The following PUS7 variants were observed in gnomAD, a reference collection of about 807,000 sequenced individuals.
PUS7 encodes the protein pseudouridylate synthase 7 homolog.
In PUS7, 48 loss-of-function variants were observed where a neutral mutation model predicts 79.8. The observed-to-expected ratio is 0.60, with a 90% CI of 0.48 to 0.76. The LOEUF is 0.76. Among genes scored for constraint, PUS7 ranks in the 30% least tolerant of loss-of-function variants. The pLI is 0.00. For missense variants in PUS7, 729 were observed against 797.6 expected, an observed-to-expected ratio of 0.91 and a Z score of 1.04; for synonymous variants, 286 against 272.2, an observed-to-expected ratio of 1.05 and a Z score of -0.50.
chr7:105,467,034 GTTTTTTTTTTTTT>G (rs56177512), intron 12 of PUS7, among the ~76,000 whole-genome samples: 3 of 70,698 alleles, frequency 4.2e-5, no homozygotes, highest in Non-Finnish European at 5.3e-5. Flanking sequence ...AGTTTTTTCT[GTTTTTTTTTTTTT>G]TTTTTTTTTT....
At chr7:105,497,116 T>A in intron 5 of PUS7, 1 of 395,844 alleles carries the variant, frequency 2.5e-6, no homozygotes, top group Non-Finnish European at 3.6e-6. Flanking sequence ...TGCGGTGGGT[T>A]AACAGCCATT....
chr7:105,473,309 G>C (rs770115338), intron 9 of PUS7, among the ~76,000 whole-genome samples: 1 of 151,942 alleles, frequency 6.6e-6, no homozygotes, highest in Admixed American at 6.6e-5. Context: ...GAATGCAGTG[G>C]CATGATCTTG....
At chr7:105,497,070 GT>G in intron 5 of PUS7, 1 of 930,412 alleles carries the variant, frequency 1.1e-6, no homozygotes, top group Non-Finnish European at 1.4e-6. Flanking sequence ...GCATGGTTAA[GT>G]TTACACTGAG....
intron 1 of PUS7, among the ~76,000 whole-genome samples, chr7:105,515,524 T>C (rs1825859222): frequency 6.6e-6 from 1 of 152,236 alleles, no homozygotes; most frequent in African/African-American, 2.4e-5. Flanking sequence ...GTCTGATCTC[T>C]TTTTCTTGAT....
At chr7:105,461,491 G>A (rs765375019) in intron 14 of PUS7, among the ~76,000 whole-genome samples, 1 of 152,120 alleles carries the variant, frequency 6.6e-6, no homozygotes, top group Admixed American at 6.6e-5. Context: ...GAGTCTCCGG[G>A]CTTACTTATG....
chr7:105,482,560 A>C, intron 7 of PUS7, 120 bp from the exon 8 acceptor site: 1 of 1,061,854 alleles, frequency 9.4e-7, no homozygotes, highest in Admixed American at 2.6e-5. Context: ...GACCCCCTGA[A>C]AGGAAAAGGC....
In PUS7 at chr7:105,506,041, T is replaced by C. The variant is rs559062735; in HGVS notation, c.499A>G (p.Ile167Val). 4.3e-6 allele frequency: 7 copies of C among 1,613,754 alleles called. No homozygotes were observed. The highest frequency in any genetic ancestry group is 1.7e-6 in the Non-Finnish European group (2 of 1,179,830). Residue 167 changes from isoleucine (I) to valine (V), a missense_variant, in exon 4 of 16, where the codon ATA becomes GTA. Ile to Val is a conservative substitution (Grantham distance 29). Transcript: ENST00000469408. ...PVDEEDPSED[I>V]FTVLTAEEKQ... ...TCTTCAGCTGTCAAAACTGTAAATA[T>C]GTCTTCTGAAGGGTCCTTTAAAATA... is the stretch of plus-strand genomic sequence containing the variant.
intron 2 of PUS7, among the ~76,000 whole-genome samples, chr7:105,507,649 C>T (rs1825525886): frequency 6.6e-6 from 1 of 152,080 alleles, no homozygotes; most frequent in South Asian, 2.1e-4. Flanking sequence ...TCAAGCTATT[C>T]TCCTGCCTCA....
intron 7 of PUS7, among the ~76,000 whole-genome samples, chr7:105,484,686 G>A (rs796744913): frequency 5.1e-4 from 77 of 151,174 alleles, no homozygotes; most frequent in African/African-American, 1.8e-3. Context: ...GGGTGTGGTG[G>A]CACACGCCTG....
Position 105,508,425 on chromosome 7 carries a change from T to G in PUS7, c.88A>C (p.Thr30Pro), listed in dbSNP as rs1825559961. Residue 30 changes from threonine to proline, a missense_variant, in exon 2 of 16, where the codon ACA becomes CCA. By Grantham distance (38) the Thr-to-Pro change is conservative. Coordinates refer to ENST00000469408, the MANE Select transcript of PUS7 (RefSeq NM_019042.5). ...CATTCCGACAGCTTCTGTTTTTTTG[T>G]CTCTTCAACTGGGACTCCACTGTCA... is the stretch of plus-strand genomic sequence containing the variant. ...DNDSGVPVEE[T>P]KKQKLSECSL... The G allele has an allele frequency of 1.2e-6, 2 of 1,614,004 alleles. No homozygotes were observed. Among genetic ancestry groups the G allele is most frequent in the South Asian group, 1.1e-5 (1 of 91,088 alleles).
At chr7:105,491,645 A>C in intron 6 of PUS7, 28 bp from the exon 7 acceptor site, 1 of 1,285,526 alleles carries the variant, frequency 7.8e-7, no homozygotes, top group Non-Finnish European at 1.1e-6. Flanking sequence ...AGATCATCTG[A>C]AGTCACATAC....
At chr7:105,497,673 T>C (rs905417448) in intron 5 of PUS7, among the ~76,000 whole-genome samples, 2 of 152,204 alleles carry the variant, frequency 1.3e-5, no homozygotes, top group African/African-American at 2.4e-5. Flanking sequence ...TTGATGTTTT[T>C]GGATGTGATA....
Position 105,497,058 on chromosome 7 carries a change from T to A in PUS7, c.731-1805A>T, listed in dbSNP as rs918744244. On this transcript the variant is annotated intron_variant, in intron 5 of 15. Transcript: ENST00000469408. ...GCTTTAGAGGTGAACATGCAAATGA[T>A]CGCATGGTTAAGTTTACACTGAGGA... 6.8e-6 allele frequency: 7 copies of A among 1,026,986 alleles called. No individual in the cohort carries two copies. In the African/African-American group the frequency reaches 1.2e-4, roughly 17 times the overall value. The allele number at this position is 1,026,986 out of a possible 1,614,324, so 63.6% of individuals were successfully genotyped here.
chr7:105,496,257 A>AGG (rs1554348811), intron 5 of PUS7, among the ~76,000 whole-genome samples: 215 of 4,586 alleles, frequency 0.047, 1 homozygote, highest in African/African-American at 0.099. Context: ...AGAGAGAGGG[A>AGG]GAGACACATA....
intron 9 of PUS7, among the ~76,000 whole-genome samples, chr7:105,476,184 T>G (rs1294277230): frequency 6.6e-6 from 1 of 150,918 alleles, no homozygotes; most frequent in Admixed American, 6.6e-5. Flanking sequence ...TTCCATTGTA[T>G]GTATGGGCCA....
In PUS7 at chr7:105,482,247, G is replaced by A. The variant is rs558909131; in HGVS notation, c.1049+65C>T. On this transcript the variant is annotated intron_variant, in intron 8 of 15. Transcript: ENST00000469408. The stretch of plus-strand genomic sequence containing the variant: ...TCACCAGGACCTTATGACCAACCGT[G>A]AGTAACATACTCAAGATGCCCTGGC... The A allele has an allele frequency of 3.8e-4, 585 of 1,553,098 alleles. 3 individuals carry two copies. The highest frequency in any genetic ancestry group is 2.8e-3 in the South Asian group (248 of 87,370).
chr7:105,469,974 A>T (rs1823808223), intron 11 of PUS7, among the ~76,000 whole-genome samples: 1 of 152,222 alleles, frequency 6.6e-6, no homozygotes, highest in Non-Finnish European at 1.5e-5. Context: ...CGCAGGCTGC[A>T]GGTTGGACAA....
At chr7:105,494,659 C>T (rs776966096) in intron 6 of PUS7, among the ~76,000 whole-genome samples, 5 of 151,934 alleles carry the variant, frequency 3.3e-5, no homozygotes, top group African/African-American at 4.8e-5. Context: ...CTGCCTTCCT[C>T]GGCCTCCCAA....
At chr7:105,474,456 C>T (rs1054089612) in intron 9 of PUS7, among the ~76,000 whole-genome samples, 15 of 151,988 alleles carry the variant, frequency 9.9e-5, no homozygotes, top group African/African-American at 3.6e-4. Flanking sequence ...ATATAATACA[C>T]ATAGATTTTT....
Sources: gnomAD v4.1 joint callset for allele counts (sites outside exome capture counted in the v4.1 genomes callset) on GRCh38, gnomAD v4.1.1 for gene constraint, MANE v1.5 for transcripts, NCBI Gene and HGNC (gene_info 2026-07-23, HGNC 2026-07-21) for gene names.